Variants in TJP2 observed in about 807,000 individuals in gnomAD.
TJP2 encodes the protein Friedreich ataxia region gene X104 (tight junction protein ZO-2).
A neutral mutation model predicts 133.1 loss-of-function variants in TJP2; 91 were observed. The observed-to-expected ratio is 0.68, with a 90% confidence interval of 0.58 to 0.81. The LOEUF is 0.81. Ranked by LOEUF, TJP2 falls within the 40% of genes least tolerant of loss-of-function variation. TJP2 has a pLI of 0.00. For missense variants in TJP2, 1,541 were observed against 1,565.6 expected (o/e 0.98, Z 0.26); for synonymous variants, 592 against 583.4 (o/e 1.01, Z -0.21).
Position 69,228,082 on chromosome 9 carries a change from A to G in TJP2, c.1421A>G (p.Asn474Ser). Residue 474 changes from asparagine (N) to serine (S), a missense_variant, in exon 9 of 23, where the codon AAC becomes AGC. Transcript: ENST00000377245. ...GCAGGCACAGTTGTCCCAGAGACCA[A>G]CAAGGAACCCAGATACCAAGAGGAC... ...DIAGTVVPET[N>S]KEPRYQEDPP... 6.2e-7 allele frequency: 1 copy of G among 1,613,164 alleles called. No homozygotes were observed. Among genetic ancestry groups the G allele is most frequent in the Non-Finnish European group, 8.5e-7 (1 of 1,179,570 alleles).
intron 1 of TJP2, among the ~76,000 whole-genome samples, chr9:69,203,567 G>C (rs951020652): frequency 1.4e-5 from 2 of 143,956 alleles, no homozygotes; most frequent in African/African-American, 5.1e-5. Flanking sequence ...GCCTCCCAAA[G>C]TGCTGGGATT....
chr9:69,235,952 G>A (rs1830155750), intron 12 of TJP2, 76 bp from the exon 13 acceptor site: 3 of 1,367,768 alleles, frequency 2.2e-6, no homozygotes, highest in Non-Finnish European at 3.1e-6. Flanking sequence ...ATCAGAGATA[G>A]GAGAAGCTGT....
intron 1 of TJP2, among the ~76,000 whole-genome samples, chr9:69,206,857 G>A (rs932837015): frequency 2.0e-5 from 3 of 152,070 alleles, no homozygotes; most frequent in Admixed American, 6.6e-5. Flanking sequence ...GATTACAGGC[G>A]CGAGCCATCG....
chr9:69,177,968 A>G (rs1349325719), intron 1 of TJP2, among the ~76,000 whole-genome samples: 1 of 152,116 alleles, frequency 6.6e-6, no homozygotes, highest in Non-Finnish European at 1.5e-5. Flanking sequence ...ACTGACAGCT[A>G]GAGCCCCAGA....
Position 69,158,037 on chromosome 9 carries a change from G to A in TJP2, c.-10+6266G>A, listed in dbSNP as rs537562463. 6.6e-5 allele frequency among the ~76,000 whole-genome samples: 10 copies of A among 150,506 alleles called. No homozygotes were observed. The South Asian group carries it at 1.7e-3, about 25-fold the overall frequency. ...CCAGAGGCAGGCACAGTGGCTGGCCGGGTGCGGTGATTCACTCCTGTAATC... is the reference window on the plus strand; with the variant it reads ...CCAGAGGCAGGCACAGTGGCTGGCCAGGTGCGGTGATTCACTCCTGTAATC... On this transcript the variant is annotated intron_variant, in intron 2 of 5. Coordinates refer to the TJP2 transcript ENST00000423935.
At chr9:69,206,863 C>G (rs1827464211) in intron 1 of TJP2, among the ~76,000 whole-genome samples, 1 of 152,274 alleles carries the variant, frequency 6.6e-6, no homozygotes, top group East Asian at 1.9e-4. Context: ...AGGCGCGAGC[C>G]ATCGCGCCCG....
chr9:69,189,392 A>G (rs1826064219), intron 1 of TJP2, among the ~76,000 whole-genome samples: 1 of 152,136 alleles, frequency 6.6e-6, no homozygotes, highest in Non-Finnish European at 1.5e-5. Flanking sequence ...TTGATAGGTT[A>G]GTTGAGTTTC....
At chr9:69,177,313 T>C (rs909710332) in intron 1 of TJP2, among the ~76,000 whole-genome samples, 2 of 152,106 alleles carry the variant, frequency 1.3e-5, no homozygotes, top group Non-Finnish European at 2.9e-5. Context: ...TTTTACTGAG[T>C]TTTTGTCTTG....
intron 4 of TJP2, 38 bp downstream of exon 4, chr9:69,218,397 A>G (rs1316917730): frequency 1.3e-6 from 2 of 1,573,934 alleles, no homozygotes; most frequent in Non-Finnish European, 1.7e-6. Context: ...CCTTAATAGC[A>G]TTTTGGTTTT....
At chr9:69,133,391 C>T (rs1480269302) in intron 1 of TJP2, among the ~76,000 whole-genome samples, 1 of 152,172 alleles carries the variant, frequency 6.6e-6, no homozygotes, top group Non-Finnish European at 1.5e-5. Flanking sequence ...GGTGTGTATT[C>T]TCCGGAAAGA....
At chr9:69,143,129 A>G (rs1289074534) in intron 1 of TJP2, among the ~76,000 whole-genome samples, 1 of 152,252 alleles carries the variant, frequency 6.6e-6, no homozygotes, top group Admixed American at 6.5e-5. Context: ...AATATTTGCT[A>G]AGGCAGAATT....
chr9:69,254,021 G>A (rs1405372040), intron 22 of TJP2, 188 bp from the exon 23 acceptor site: 2 of 681,074 alleles, frequency 2.9e-6, no homozygotes, highest in Non-Finnish European at 5.2e-6. Context: ...CGCCGAAGTG[G>A]GCATTGGATT....
rs767785005 is a variant in TJP2 at position 69,216,396 on chromosome 9, G to A, written c.172G>A (p.Glu58Lys). The A allele has an allele frequency of 6.2e-7, 1 of 1,614,152 alleles. No individual in the cohort carries two copies. Among genetic ancestry groups the A allele is most frequent in the East Asian group, 2.2e-5 (1 of 44,880 alleles). ...VSGGRDNPHF[E>K]NGETSIVISD... Reference sequence around the variant, plus strand: ...CGGAGGCAGAGACAACCCCCACTTTGAAAATGGAGAAACGTCAATTGTCAT... The same window carrying A: ...CGGAGGCAGAGACAACCCCCACTTTAAAAATGGAGAAACGTCAATTGTCAT... Residue 58 changes from glutamate (E) to lysine (K), a missense_variant, in exon 3 of 23, where the codon GAA (glutamate) becomes AAA (lysine). Transcript: ENST00000377245.
chr9:69,253,956 T>TG (rs997639994), intron 22 of TJP2: 4 of 532,250 alleles, frequency 7.5e-6, no homozygotes, highest in Non-Finnish European at 1.4e-5. Flanking sequence ...GGGCACCCCC[T>TG]GTCCAACAGG....
intron 16 of TJP2, among the ~76,000 whole-genome samples, chr9:69,239,193 A>T (rs541875092): frequency 5.6e-4 from 84 of 150,326 alleles, no homozygotes; most frequent in Middle Eastern, 7.0e-3. Flanking sequence ...ATCTCAAAAA[A>T]ATATATATAT....
At chr9:69,155,539 C>G (rs1356174196) in intron 2 of TJP2, among the ~76,000 whole-genome samples, 1 of 152,250 alleles carries the variant, frequency 6.6e-6, no homozygotes, top group Non-Finnish European at 1.5e-5. Flanking sequence ...ATTTGCATGT[C>G]TGGTTTCCAC....
At chr9:69,139,046 C>T (rs979343546) in intron 1 of TJP2, among the ~76,000 whole-genome samples, 1 of 152,142 alleles carries the variant, frequency 6.6e-6, no homozygotes, top group East Asian at 1.9e-4. Flanking sequence ...AAACTCCTGT[C>T]TCTACTAAAA....
chr9:69,214,861 C>A (rs1828232615), intron 2 of TJP2, among the ~76,000 whole-genome samples: 5 of 60,660 alleles, frequency 8.2e-5, no homozygotes, highest in Admixed American at 2.0e-4. Context: ...AGCAAGACTC[C>A]ATCTCAAAAA....
intron 1 of TJP2, among the ~76,000 whole-genome samples, chr9:69,134,832 C>T (rs1439224051): frequency 6.6e-6 from 1 of 152,078 alleles, no homozygotes; most frequent in Non-Finnish European, 1.5e-5. Flanking sequence ...CCAGGATGGT[C>T]AGGTTCGTGG....
Sources: allele counts gnomAD v4.1 joint callset (sites outside exome capture counted in the v4.1 genomes callset), GRCh38; gene constraint gnomAD v4.1.1; transcripts MANE v1.5; gene names NCBI Gene and HGNC (gene_info 2026-07-23, HGNC 2026-07-21).